The following GRID2 variants were observed in gnomAD, a reference collection of about 807,000 sequenced individuals.
GRID2 encodes glutamate receptor ionotropic, delta-2.
Under a neutral mutation model 114.8 loss-of-function variants are expected in GRID2, and 33 were observed. The ratio of observed to expected loss-of-function variants is 0.29; its 90% CI spans 0.22 to 0.38. GRID2 has a LOEUF of 0.38. GRID2 is among the 10% of genes least tolerant of loss of function. GRID2 has a pLI of 1.00. For missense variants in GRID2, 1,184 were observed against 1,257.7 expected (o/e 0.94, Z 0.89); for synonymous variants, 505 against 449.9 (o/e 1.12, Z -1.55).
Position 92,472,221 on chromosome 4 carries a change from C to CTTATT in GRID2, c.89-117910_89-117909insTTATT, listed in dbSNP as rs1158986805. 4.0e-5 allele frequency among the ~76,000 whole-genome samples: 6 copies of CTTATT among 151,478 alleles called. 1 individual carries two copies. Among genetic ancestry groups the CTTATT allele is most frequent in the Admixed American group, 6.6e-5 (1 of 15,204 alleles). On this transcript the variant is annotated intron_variant, in intron 1 of 15. Transcript: ENST00000282020. ...GTGCTGGGATTACAGGCGTGAGCCACCGCGCCCGGCCGTTATCCATATTTC... is the reference window on the plus strand; with the variant it reads ...GTGCTGGGATTACAGGCGTGAGCCACTTATTCGCGCCCGGCCGTTATCCATATTTC...
intron 4 of GRID2, among the ~76,000 whole-genome samples, chr4:93,111,631 T>C (rs1732769494): frequency 6.6e-6 from 1 of 152,168 alleles, no homozygotes. Flanking sequence ...TCATGTCTTT[T>C]TGCCCCACTT....
intron 2 of GRID2, among the ~76,000 whole-genome samples, chr4:92,758,800 G>T (rs1737849734): frequency 6.6e-6 from 1 of 152,032 alleles, no homozygotes; most frequent in Admixed American, 6.6e-5. Context: ...TATCAGTTGA[G>T]TCCATGCAGG....
chr4:92,781,160 C>T (rs192960331), intron 2 of GRID2, among the ~76,000 whole-genome samples: 1 of 152,014 alleles, frequency 6.6e-6, no homozygotes, highest in Admixed American at 6.6e-5. Flanking sequence ...GCAGAAGAAT[C>T]GCTTGAACCT....
At chr4:93,148,670 A>G (rs1463121674) in intron 4 of GRID2, among the ~76,000 whole-genome samples, 2 of 152,160 alleles carry the variant, frequency 1.3e-5, no homozygotes, top group African/African-American at 2.4e-5. Flanking sequence ...ACATGTATAA[A>G]TAGGCTAGTT....
At chr4:93,805,623 A>G (rs1735013500) in intron 1 of GRID2, among the ~76,000 whole-genome samples, 1 of 152,170 alleles carries the variant, frequency 6.6e-6, no homozygotes, top group African/African-American at 2.4e-5. Context: ...TCTCCTAACA[A>G]GGACATAGAG....
chr4:93,710,766 A>G (rs927430711), intron 14 of GRID2, among the ~76,000 whole-genome samples: 1 of 152,050 alleles, frequency 6.6e-6, no homozygotes, highest in African/African-American at 2.4e-5. Context: ...GCTTTATTTT[A>G]CTGTGGCTGA....
At chr4:92,636,919 T>C (rs1435099338) in intron 2 of GRID2, among the ~76,000 whole-genome samples, 1 of 152,044 alleles carries the variant, frequency 6.6e-6, no homozygotes, top group Non-Finnish European at 1.5e-5. Flanking sequence ...TTTGGTAGTT[T>C]ATAAGCCTGA....
At chr4:92,696,303 A>G (rs1734423250) in intron 2 of GRID2, among the ~76,000 whole-genome samples, 1 of 152,138 alleles carries the variant, frequency 6.6e-6, no homozygotes, top group Non-Finnish European at 1.5e-5. Context: ...TGTTCAGACT[A>G]TTTTAAATAA....
intron 13 of GRID2, among the ~76,000 whole-genome samples, chr4:93,555,589 A>T (rs1376508073): frequency 6.6e-6 from 1 of 152,204 alleles, no homozygotes; most frequent in East Asian, 1.9e-4. Flanking sequence ...CATCTGAAAG[A>T]AAGGCAGCAA....
intron 2 of GRID2, among the ~76,000 whole-genome samples, chr4:92,982,159 G>A (rs528694744): frequency 6.6e-6 from 1 of 151,616 alleles, no homozygotes; most frequent in Non-Finnish European, 1.5e-5. Context: ...ATAATGAACT[G>A]TGAAATGGTC....
At chr4:92,341,893 C>T (rs547559304) in intron 1 of GRID2, among the ~76,000 whole-genome samples, 2 of 142,962 alleles carry the variant, frequency 1.4e-5, no homozygotes, top group South Asian at 4.4e-4. Flanking sequence ...CCAGCCTGGG[C>T]GACAGCGAGA....
chr4:92,392,077 A>G (rs1441724526), intron 1 of GRID2, among the ~76,000 whole-genome samples: 1 of 152,180 alleles, frequency 6.6e-6, no homozygotes, highest in East Asian at 1.9e-4. Flanking sequence ...ACAGCTTCCA[A>G]TAGGAATCAG....
At chr4:93,488,796 G>A (rs1726664809) in intron 11 of GRID2, among the ~76,000 whole-genome samples, 1 of 151,916 alleles carries the variant, frequency 6.6e-6, no homozygotes, top group Admixed American at 6.6e-5. Flanking sequence ...TCACCTTCTT[G>A]CTGTGTCCTC....
At chr4:92,931,189 T>C (rs1422231102) in intron 2 of GRID2, among the ~76,000 whole-genome samples, 1 of 150,986 alleles carries the variant, frequency 6.6e-6, no homozygotes. Flanking sequence ...ATTGAAAAGT[T>C]GGTTTAACAT....
chr4:92,791,814 C>T (rs2149365067), intron 2 of GRID2, among the ~76,000 whole-genome samples: 1 of 151,864 alleles, frequency 6.6e-6, no homozygotes, highest in South Asian at 2.1e-4. Context: ...CATGATTTTA[C>T]CCAAACAAGA....
Position 93,732,650 on chromosome 4 carries a change from A to T in GRID2, c.2361-36560A>T, listed in dbSNP as rs141799032. Among the ~76,000 whole-genome samples, 228 of 152,046 alleles carry T rather than the reference A, an allele frequency of 1.5e-3. 1 individual carries two copies. The highest frequency in any genetic ancestry group is 0.01 in the Middle Eastern group (3 of 294). On this transcript the variant is annotated intron_variant, in intron 14 of 15. Coordinates refer to ENST00000282020, the MANE Select transcript of GRID2 (RefSeq NM_001510.4). Reference sequence around the variant, plus strand: ...GCTGAGGCTCTTTTATGTTGTTCTTATGTTTTCTTCCCCCATCAAGCATTC... The same window carrying T: ...GCTGAGGCTCTTTTATGTTGTTCTTTTGTTTTCTTCCCCCATCAAGCATTC...
intron 2 of GRID2, among the ~76,000 whole-genome samples, chr4:92,971,258 C>A (rs1192544976): frequency 6.6e-6 from 1 of 151,910 alleles, no homozygotes; most frequent in Non-Finnish European, 1.5e-5. Flanking sequence ...TTTCTTAATG[C>A]ATATTTTAAG....
chr4:92,416,608 A>G (rs1307160953), intron 1 of GRID2, among the ~76,000 whole-genome samples: 1 of 152,140 alleles, frequency 6.6e-6, no homozygotes, highest in African/African-American at 2.4e-5. Flanking sequence ...ATCCAGCTCT[A>G]TTCTCCTACA....
At chr4:93,494,086 T>C (rs72668791) in intron 12 of GRID2, among the ~76,000 whole-genome samples, 6,179 of 151,940 alleles carry the variant, frequency 0.041, 186 homozygotes, top group African/African-American at 0.082. Context: ...AAAATCTCAT[T>C]TGTAACTAAT....
Sources: gnomAD v4.1 joint callset for allele counts (sites outside exome capture counted in the v4.1 genomes callset) on GRCh38, gnomAD v4.1.1 for gene constraint, MANE v1.5 for transcripts, NCBI Gene and HGNC (gene_info 2026-07-23, HGNC 2026-07-21) for gene names.